COL12A1: variants seen among roughly 807,000 people sequenced by gnomAD.
COL12A1 encodes collagen type XII alpha 1 chain, also known as collagen alpha-1(XII) chain.
COL12A1 carries 114 observed loss-of-function variants against 349.7 expected under a neutral mutation model. The observed-to-expected ratio is 0.33, with a 90% CI of 0.28 to 0.38. The LOEUF (loss-of-function observed/expected upper bound fraction) is 0.38, where lower values mean the gene tolerates loss of function less well. Ranked by LOEUF, COL12A1 falls within the 10% of genes least tolerant of loss-of-function variation. COL12A1 has a pLI of 1.00. For missense variants in COL12A1, 3,284 were observed against 3,756.9 expected (o/e 0.87, Z 3.29); for synonymous variants, 1,369 against 1,329.0 (o/e 1.03, Z -0.66).
intron 43 of COL12A1, among the ~76,000 whole-genome samples, chr6:75,123,014 A>G (rs1765823829): frequency 1.3e-5 from 2 of 152,200 alleles, no homozygotes; most frequent in Non-Finnish European, 1.5e-5. Flanking sequence ...GCGCTTACTG[A>G]TGCCAGCAGC....
Position 75,151,951 on chromosome 6 carries a change from G to A in COL12A1, c.3916C>T (p.Leu1306Phe). Residue 1306 changes from leucine (L) to phenylalanine (F), a missense_variant, in exon 20 of 66, where the codon CTC becomes TTC. Coordinates refer to ENST00000322507, the MANE Select transcript of COL12A1 (RefSeq NM_004370.6). Reference protein sequence around the residue: ...MRPRARKIGVLITDGKSQDDV... With the variant: ...MRPRARKIGVFITDGKSQDDV... ...TCTTGTGATTTTCCATCAGTAATGA[G>A]CACACCAATTTTTCGAGCTCGAGGT... is the stretch of plus-strand genomic sequence containing the variant. 1 of 1,613,850 alleles carries A rather than the reference G, an allele frequency of 6.2e-7. No individual in the cohort carries two copies. Among genetic ancestry groups the A allele is most frequent in the Non-Finnish European group, 8.5e-7 (1 of 1,179,842 alleles).
At chr6:75,173,694 A>C (rs1768763604) in intron 13 of COL12A1, among the ~76,000 whole-genome samples, 1 of 152,138 alleles carries the variant, frequency 6.6e-6, no homozygotes, top group Non-Finnish European at 1.5e-5. Context: ...TATTTAAATT[A>C]GTATTTTTTA....
At chr6:75,113,365 T>C in intron 50 of COL12A1, 52 bp from the exon 51 acceptor site, 1 of 1,177,738 alleles carries the variant, frequency 8.5e-7, no homozygotes, top group East Asian at 2.8e-5. Flanking sequence ...ATAATTTTTA[T>C]TTAAAGTATT....
At chr6:75,144,177 C>T (rs960175683) in intron 25 of COL12A1, among the ~76,000 whole-genome samples, 12 of 152,246 alleles carry the variant, frequency 7.9e-5, no homozygotes, top group African/African-American at 2.2e-4. Context: ...CAGCACCATA[C>T]CCAAGTTTGT....
In COL12A1 at chr6:75,152,464, C is replaced by G; in HGVS notation, c.3584G>C (p.Arg1195Thr). ...CAGCAACACAATGTCTGCCTCAGCT[C>G]TGGTGAGACACTCCATCCCTGACAT... ...ILSSGMECLT[R>T]AEADIVLLVD... is the part of the protein sequence containing the mutation. Residue 1195 changes from arginine to threonine, a missense_variant, in exon 18 of 66, where the codon AGA becomes ACA. This residue lies in a region of COL12A1 where 2,601 missense variants were observed against 2,824.8 expected (regional missense o/e 0.92). Coordinates refer to ENST00000322507, the MANE Select transcript of COL12A1 (RefSeq NM_004370.6). 1 of 1,613,446 alleles carries G rather than the reference C, an allele frequency of 6.2e-7. No individual in the cohort carries two copies. Among genetic ancestry groups the G allele is most frequent in the Non-Finnish European group, 8.5e-7 (1 of 1,179,610 alleles).
At chr6:75,144,257 C>G (rs988579664) in intron 25 of COL12A1, among the ~76,000 whole-genome samples, 2 of 152,196 alleles carry the variant, frequency 1.3e-5, no homozygotes, top group Non-Finnish European at 2.9e-5. Flanking sequence ...ACATGAGTCT[C>G]TATCCCTGGC....
At chr6:75,163,599 C>T (rs1768130840) in intron 14 of COL12A1, among the ~76,000 whole-genome samples, 2 of 152,026 alleles carry the variant, frequency 1.3e-5, no homozygotes, top group South Asian at 2.1e-4. Context: ...CACCATGGCA[C>T]GTGTATACCT....
rs775466928 is a variant in COL12A1 at position 75,183,263 on chromosome 6, G to A, written c.1678C>T (p.Pro560Ser). The A allele has an allele frequency of 6.2e-7, 1 of 1,614,156 alleles. No homozygotes were observed. Among genetic ancestry groups the A allele is most frequent in the Admixed American group, 1.7e-5 (1 of 60,014 alleles). Residue 560 changes from proline (P) to serine (S), a missense_variant, in exon 10 of 66, where the codon CCT becomes TCT. Pro to Ser is a moderately conservative substitution (Grantham distance 74). Around this residue, in one of 2 missense-constraint regions of COL12A1, gnomAD observed 2,601 missense variants for 2,824.8 expected, o/e 0.92. Transcript: ENST00000322507. ...DGKSSDAFRD[P>S]AIKLRNSDVE... ...TCTGAATTCCTCAGTTTTATCGCAG[G>A]ATCTCTGAAAGCATCTGATGATTTC...
intron 51 of COL12A1, among the ~76,000 whole-genome samples, chr6:75,109,787 A>C (rs568337114): frequency 6.6e-6 from 1 of 152,242 alleles, no homozygotes; most frequent in African/African-American, 2.4e-5. Context: ...GAATGTTAAC[A>C]ACTCTATTAG....
chr6:75,154,249 G>C (rs1267419219), intron 17 of COL12A1, among the ~76,000 whole-genome samples, 167 bp downstream of exon 17: 1 of 151,952 alleles, frequency 6.6e-6, no homozygotes, highest in Admixed American at 6.6e-5. Flanking sequence ...CAAAAAGCAT[G>C]CTTGACTGGA....
intron 13 of COL12A1, among the ~76,000 whole-genome samples, chr6:75,168,403 C>T (rs1295013975): frequency 2.0e-5 from 3 of 152,184 alleles, no homozygotes; most frequent in Admixed American, 1.3e-4. Flanking sequence ...GGATTGCGCC[C>T]TGTGGTACAG....
chr6:75,132,020 G>A lies in COL12A1; in HGVS notation c.5857C>T (p.Arg1953Cys), dbSNP rs777948762. The change falls in exon 35 of 66, where the codon CGC (arginine) becomes TGC (cysteine). Residue 1953 changes from arginine (R) to cysteine (C), a missense_variant. Physicochemically the swap from Arg to Cys is radical, Grantham distance 180. This residue lies in a region of COL12A1 where 2,601 missense variants were observed against 2,824.8 expected (regional missense o/e 0.92). Transcript: ENST00000322507. ...ACAGGTCCTGGAGCAGGGTCCCAGC[G>A]AACATCGAGGCTGTTAGGTGTAGGA... ...YNPTPNSLDV[R>C]WDPAPGPVLQ... 2.2e-5 allele frequency: 35 copies of A among 1,614,006 alleles called. No individual in the cohort carries two copies. In the African/African-American group the frequency reaches 2.4e-4, roughly 11 times the overall value.
intron 27 of COL12A1, among the ~76,000 whole-genome samples, chr6:75,140,580 T>C (rs1410685794): frequency 1.5e-5 from 2 of 135,720 alleles, no homozygotes; most frequent in Non-Finnish European, 3.0e-5. Flanking sequence ...GGCGTGAACC[T>C]GGGAGGCGGA....
At chr6:75,167,427 A>AGCT (rs1768369524) in intron 13 of COL12A1, among the ~76,000 whole-genome samples, 1 of 152,216 alleles carries the variant, frequency 6.6e-6, no homozygotes, top group East Asian at 1.9e-4. Flanking sequence ...AATTTAAATG[A>AGCT]GCTGCATTAA....
Position 75,189,243 on chromosome 6 carries a change from T to C in COL12A1, c.797A>G (p.Asn266Ser). The change falls in exon 7 of 66, where the codon AAT becomes AGT. Residue 266 changes from asparagine (N) to serine (S), a missense_variant. Physicochemically the swap from Asn to Ser is conservative, Grantham distance 46. Coordinates refer to ENST00000322507, the MANE Select transcript of COL12A1 (RefSeq NM_004370.6). ...EVEIPARELR[N>S]VGVEVFSLGI... ...CAAGGAGAAAACTTCAACTCCAACA[T>C]TACGAAGCTCTCTTGCTGGAATTTC... 6.2e-7 allele frequency: 1 copy of C among 1,612,982 alleles called. No homozygotes were observed. Among genetic ancestry groups the C allele is most frequent in the Non-Finnish European group, 8.5e-7 (1 of 1,179,354 alleles).
In COL12A1 at chr6:75,157,727, T is replaced by C. The variant is rs575602460; in HGVS notation, c.2984-1204A>G. ...TGAGAGAGTGCCACAGAGAAAATAC[T>C]TGGTCTTCAACCTAGGATAATCAGT... On this transcript the variant is annotated intron_variant, in intron 14 of 65. Transcript: ENST00000322507. 4.6e-5 allele frequency among the ~76,000 whole-genome samples: 7 copies of C among 152,204 alleles called. No individual in the cohort carries two copies. In the East Asian group the frequency reaches 5.8e-4, roughly 13 times the overall value.
In COL12A1 at chr6:75,115,971, T is replaced by C. The variant is rs141527478; in HGVS notation, c.7558+48A>G. 565 of 1,612,494 alleles carry C rather than the reference T, an allele frequency of 3.5e-4. 2 individuals are homozygous for C. In the African/African-American group the frequency reaches 6.8e-3, roughly 19 times the overall value. ...TAAACGGAGTACATTTTAATTATTTTATTGCTTAAATCTGGAAATTAATTT... is the reference window on the plus strand; with the variant it reads ...TAAACGGAGTACATTTTAATTATTTCATTGCTTAAATCTGGAAATTAATTT... On this transcript the variant is annotated intron_variant, in intron 48 of 65. Coordinates refer to ENST00000322507, the MANE Select transcript of COL12A1 (RefSeq NM_004370.6).
chr6:75,145,272 T>A, intron 25 of COL12A1, 54 bp downstream of exon 25: 1 of 1,429,740 alleles, frequency 7.0e-7, no homozygotes. Context: ...TAAATTCTAA[T>A]GAACATTATG....
At chr6:75,176,375 G>A (rs531634690) in intron 12 of COL12A1, among the ~76,000 whole-genome samples, 39 of 150,526 alleles carry the variant, frequency 2.6e-4, no homozygotes, top group Middle Eastern at 3.5e-3. Context: ...GTGGGAGGTG[G>A]GAGAGTGATG....
Sources: allele counts gnomAD v4.1 joint callset (sites outside exome capture counted in the v4.1 genomes callset), GRCh38; gene constraint gnomAD v4.1.1; regional missense constraint gnomAD v4.1.1; transcripts MANE v1.5; gene names NCBI Gene and HGNC (gene_info 2026-07-23, HGNC 2026-07-21).